The following USP37 variants were observed in gnomAD, a reference collection of about 807,000 sequenced individuals.
USP37 encodes the protein ubiquitin carboxyl-terminal hydrolase 37.
In USP37, 27 loss-of-function variants were observed where a neutral mutation model predicts 124.0. The observed-to-expected ratio is 0.22, with a 90% CI of 0.16 to 0.30. The LOEUF (loss-of-function observed/expected upper bound fraction) is 0.30, where lower values mean the gene tolerates loss of function less well. Ranked by LOEUF, USP37 falls within the 10% of genes least tolerant of loss-of-function variation. The pLI is 1.00. For missense variants in USP37, 889 were observed against 1,140.4 expected, an observed-to-expected ratio of 0.78 and a Z score of 3.17; for synonymous variants, 365 against 388.0, an observed-to-expected ratio of 0.94 and a Z score of 0.70.
In USP37 at chr2:218,455,735, C is replaced by T. The variant is rs1260619428; in HGVS notation, c.2714-17G>A. 1 of 1,610,612 alleles carries T rather than the reference C, an allele frequency of 6.2e-7. No homozygotes were observed. Among genetic ancestry groups the T allele is most frequent in the Non-Finnish European group, 8.5e-7 (1 of 1,177,876 alleles). ...TGTAATGACCTGAAACAAATAACATCTTAAAATCAAGGTTTTTAAAAACAC... is the reference window on the plus strand; with the variant it reads ...TGTAATGACCTGAAACAAATAACATTTTAAAATCAAGGTTTTTAAAAACAC... On this transcript the variant is annotated splice_polypyrimidine_tract_variant and intron_variant, in intron 24 of 25. Transcript: ENST00000258399.
intron 8 of USP37, among the ~76,000 whole-genome samples, chr2:218,535,365 TA>T (rs56044991): frequency 0.024 from 3,054 of 125,386 alleles, 34 homozygotes; most frequent in Non-Finnish European, 0.037. Flanking sequence ...GTCTTAGTCT[TA>T]AAAAAAAAAA....
In USP37 at chr2:218,540,138, T is replaced by C. The variant is rs73077120; in HGVS notation, c.681-5432A>G. Among the ~76,000 whole-genome samples the C allele has an allele frequency of 6.8e-3, 1,031 of 152,310 alleles. 13 individuals are homozygous for C. Among genetic ancestry groups the C allele is most frequent in the African/African-American group, 0.024 (979 of 41,556 alleles). On this transcript the variant is annotated intron_variant, in intron 8 of 25. Coordinates refer to ENST00000258399, the MANE Select transcript of USP37 (RefSeq NM_020935.3). Reference sequence around the variant, plus strand: ...ACTACTGTCGTGCTTTGGATAATCATTAAGTAATATAAGGGTTACTTAACA... The same window carrying C: ...ACTACTGTCGTGCTTTGGATAATCACTAAGTAATATAAGGGTTACTTAACA...
intron 20 of USP37, among the ~76,000 whole-genome samples, chr2:218,466,420 G>C (rs764084290): frequency 1.3e-5 from 2 of 152,016 alleles, no homozygotes; most frequent in East Asian, 3.9e-4. Context: ...ATTGTAGAAC[G>C]TTTAGCAGTG....
At chr2:218,520,886 T>G (rs1216861058) in intron 10 of USP37, among the ~76,000 whole-genome samples, 1 of 152,182 alleles carries the variant, frequency 6.6e-6, no homozygotes, top group Non-Finnish European at 1.5e-5. Context: ...TGCCCAAATC[T>G]CATGTAAAAT....
intron 11 of USP37, among the ~76,000 whole-genome samples, chr2:218,507,807 C>G (rs1395680665): frequency 1.3e-5 from 2 of 152,176 alleles, no homozygotes; most frequent in African/African-American, 4.8e-5. Flanking sequence ...TAATTCTTCT[C>G]TATAAGTAAT....
Position 218,488,465 on chromosome 2 carries a change from CAAGA to C in USP37, c.1473-48_1473-45del, listed in dbSNP as rs779564652. On this transcript the variant is annotated intron_variant, in intron 14 of 25. Transcript: ENST00000258399. ...ACATGTAAGCATTTAGACCAATACA[CAAGA>C]AACACAAATATACCTGAGAAACTCT... 10 of 1,299,254 alleles carry C rather than the reference CAAGA, an allele frequency of 7.7e-6. No individual in the cohort carries two copies. In the South Asian group the frequency reaches 1.2e-4, roughly 15 times the overall value. The allele number at this position is 1,299,254 out of a possible 1,614,324, so 80.5% of individuals were successfully genotyped here.
Position 218,523,073 on chromosome 2 carries a change from C to T in USP37, c.863+6883G>A, listed in dbSNP as rs546711626. On this transcript the variant is annotated intron_variant, in intron 10 of 25. Transcript: ENST00000258399. ...GGTGGATCACCTGAGGTCAGGAGTT[C>T]GAGACCAGCATGGCCAACATGGTGA... is the stretch of plus-strand genomic sequence containing the variant. 4.6e-5 allele frequency among the ~76,000 whole-genome samples: 7 copies of T among 151,982 alleles called. No individual in the cohort carries two copies. In the East Asian group the frequency reaches 5.8e-4, roughly 13 times the overall value.
chr2:218,455,380 A>G (rs1434549272), intron 25 of USP37, among the ~76,000 whole-genome samples, 200 bp downstream of exon 25: 1 of 152,228 alleles, frequency 6.6e-6, no homozygotes, highest in Non-Finnish European at 1.5e-5. Flanking sequence ...GTAATGAGCA[A>G]TTAATGCTGA....
At chr2:218,481,296 A>G (rs190643552) in intron 17 of USP37, among the ~76,000 whole-genome samples, 62 of 152,384 alleles carry the variant, frequency 4.1e-4, no homozygotes, top group South Asian at 1.0e-3. Flanking sequence ...GCATGAAGGC[A>G]TAACATTGAG....
At position 218,558,612 on chromosome 2, in the gene USP37, A is replaced by G; in HGVS notation, c.42T>C (p.Ser14=). 3 of 1,613,222 alleles carry G rather than the reference A, an allele frequency of 1.9e-6. No homozygotes were observed. The highest frequency in any genetic ancestry group is 2.5e-6 in the Non-Finnish European group (3 of 1,179,670). The stretch of plus-strand genomic sequence containing the variant: ...TCCACTTTGTAATCCCAGTCTGCAT[A>G]CTTCGAATTCTGATAGGACCATGTA... ...LKIHGPIRIR[S]MQTGITKWKE... The change falls in exon 4 of 26, where the codon AGT becomes AGC. Residue 14 remains serine, a synonymous_variant. Transcript: ENST00000258399.
chr2:218,562,609 C>G, intron 2 of USP37, 64 bp downstream of exon 2: 1 of 397,110 alleles, frequency 2.5e-6, no homozygotes, highest in Non-Finnish European at 4.4e-6. Flanking sequence ...AAACACAAAA[C>G]TGTCAGTTCC....
At chr2:218,486,020 C>A in intron 15 of USP37, 1 of 337,594 alleles carries the variant, frequency 3.0e-6, no homozygotes, top group Non-Finnish European at 5.3e-6. Flanking sequence ...ATAGAAGATT[C>A]TTAGCCTTTT....
intron 8 of USP37, among the ~76,000 whole-genome samples, chr2:218,544,430 T>TAGAGAGAGAGAGAGAGAGAGAGAG (rs56690495): frequency 7.9e-5 from 4 of 50,820 alleles, no homozygotes; most frequent in Middle Eastern, 0.015. Flanking sequence ...TATATATATA[T>TAGAGAGAGAGAGAGAGAGAGAGAG]AGAGAGAGAG....
chr2:218,514,618 T>C (rs1690175097), intron 10 of USP37, among the ~76,000 whole-genome samples: 1 of 152,188 alleles, frequency 6.6e-6, no homozygotes, highest in Non-Finnish European at 1.5e-5. Context: ...TTCTCTACAG[T>C]GAAGTTTCTA....
chr2:218,530,402 C>G (rs1691259899), intron 9 of USP37, among the ~76,000 whole-genome samples: 1 of 152,116 alleles, frequency 6.6e-6, no homozygotes, highest in African/African-American at 2.4e-5. Flanking sequence ...GATCAGTGAT[C>G]TTTGATGTTA....
chr2:218,547,240 G>T, intron 6 of USP37, 149 bp from the exon 7 acceptor site: 1 of 804,348 alleles, frequency 1.2e-6, no homozygotes, highest in Non-Finnish European at 1.9e-6. Context: ...AAGGCGGGAG[G>T]ATCACTTGAG....
rs1249935119 is a variant in USP37 at position 218,534,673 on chromosome 2, CT to C, written c.713del (p.Lys238SerfsTer3). 6.2e-7 allele frequency: 1 copy of C among 1,609,406 alleles called. No homozygotes were observed. Among genetic ancestry groups the C allele is most frequent in the Non-Finnish European group, 8.5e-7 (1 of 1,177,744 alleles). On this transcript the variant is annotated frameshift_variant, in exon 9 of 26. Transcript: ENST00000258399. LOFTEE classifies it high-confidence loss of function. ...GCTTTTCTCTACTGCTGGTTAAATA[CT>C]TTCTGGAGGGATCTGTCATGGCCTT... is the stretch of plus-strand genomic sequence containing the variant. ...NNKAMTDPSR[K>X]YLTSSREKQL...
chr2:218,522,390 C>T (rs914507712), intron 10 of USP37, among the ~76,000 whole-genome samples: 1 of 151,356 alleles, frequency 6.6e-6, no homozygotes, highest in Non-Finnish European at 1.5e-5. Flanking sequence ...TAGAAAGACC[C>T]CATCTCTCTC....
At chr2:218,466,264 A>G in intron 20 of USP37, 88 bp from the exon 21 acceptor site, 1 of 1,350,784 alleles carries the variant, frequency 7.4e-7, no homozygotes, top group East Asian at 2.3e-5. Flanking sequence ...TCATAAAGCA[A>G]TTTACCCTAA....
Sources: gnomAD v4.1 joint callset for allele counts (sites outside exome capture counted in the v4.1 genomes callset) on GRCh38, gnomAD v4.1.1 for gene constraint, MANE v1.5 for transcripts, NCBI Gene and HGNC (gene_info 2026-07-23, HGNC 2026-07-21) for gene names.